ROCK2: variants seen among roughly 807,000 people sequenced by gnomAD.
The protein encoded by ROCK2 is rho-associated protein kinase 2.
ROCK2 carries 61 observed loss-of-function variants against 195.1 expected under a neutral mutation model. The observed-to-expected ratio is 0.31, with a 90% CI of 0.25 to 0.39. The LOEUF (loss-of-function observed/expected upper bound fraction) is 0.39. ROCK2 is among the 10% of genes least tolerant of loss of function. The pLI is 1.00. For missense variants in ROCK2, 1,109 were observed against 1,637.4 expected (o/e 0.68, Z 5.57); for synonymous variants, 504 against 545.5 (o/e 0.92, Z 1.06).
At chr2:11,238,079 C>G (rs140494806) in intron 4 of ROCK2, among the ~76,000 whole-genome samples, 26 of 151,982 alleles carry the variant, frequency 1.7e-4, no homozygotes, top group African/African-American at 5.1e-4. Context: ...CTTTGACTAG[C>G]GGGGAGAAAA....
intron 3 of ROCK2, among the ~76,000 whole-genome samples, chr2:11,253,616 T>C (rs899619251): frequency 4.6e-5 from 7 of 152,244 alleles, no homozygotes; most frequent in African/African-American, 1.7e-4. Flanking sequence ...TCAACAAGGA[T>C]GGGGATTATG....
rs568582994 is a variant in ROCK2 at position 11,231,498 on chromosome 2, G to A, written c.724-4100C>T. Among the ~76,000 whole-genome samples the A allele has an allele frequency of 2.1e-3, 318 of 152,172 alleles. 1 individual carries two copies. Among genetic ancestry groups the A allele is most frequent in the Non-Finnish European group, 3.5e-3 (237 of 68,016 alleles). ...GCTGGGGTTACAGGCATGAGCCATCGTGCCTGGCCTCTTCAGGTAATTTAA... is the reference window on the plus strand; with the variant it reads ...GCTGGGGTTACAGGCATGAGCCATCATGCCTGGCCTCTTCAGGTAATTTAA... On this transcript the variant is annotated intron_variant, in intron 5 of 32. Coordinates refer to ENST00000315872, the MANE Select transcript of ROCK2 (RefSeq NM_004850.5).
intron 18 of ROCK2, among the ~76,000 whole-genome samples, chr2:11,210,790 C>G (rs1664223062): frequency 6.6e-6 from 1 of 152,066 alleles, no homozygotes; most frequent in African/African-American, 2.4e-5. Flanking sequence ...GAAATATGGC[C>G]CAGTAACTTT....
chr2:11,215,465 CTTAA>C, intron 14 of ROCK2, 41 bp downstream of exon 14: 2 of 1,607,068 alleles, frequency 1.2e-6, no homozygotes, highest in East Asian at 2.2e-5. Flanking sequence ...CATACACACA[CTTAA>C]TTTTTTTCTT....
At chr2:11,330,205 T>G (rs1668674626) in intron 1 of ROCK2, among the ~76,000 whole-genome samples, 1 of 152,222 alleles carries the variant, frequency 6.6e-6, no homozygotes, top group African/African-American at 2.4e-5. Context: ...ATTTCACATT[T>G]CTAATTATCT....
chr2:11,244,320 GT>G (rs1665537509), intron 4 of ROCK2, among the ~76,000 whole-genome samples: 1 of 152,102 alleles, frequency 6.6e-6, no homozygotes, highest in African/African-American at 2.4e-5. Context: ...ACCAAAAAAT[GT>G]TTGCAATTCC....
intron 1 of ROCK2, among the ~76,000 whole-genome samples, chr2:11,327,404 G>A (rs986765774): frequency 1.3e-5 from 2 of 152,234 alleles, no homozygotes; most frequent in Admixed American, 6.5e-5. Flanking sequence ...TGAATTAAGC[G>A]AAAAGAAAGA....
At chr2:11,218,554 T>C in intron 10 of ROCK2, 88 bp from the exon 11 acceptor site, 1 of 905,400 alleles carries the variant, frequency 1.1e-6, no homozygotes, top group South Asian at 1.8e-5. Context: ...CATAACAAAA[T>C]TATCCAACCT....
Position 11,198,480 on chromosome 2 carries a change from A to C in ROCK2, c.3099+11T>G, listed in dbSNP as rs1377678712. 3 of 1,543,116 alleles carry C rather than the reference A, an allele frequency of 1.9e-6. No individual in the cohort carries two copies. The highest frequency in any genetic ancestry group is 1.1e-5 in the South Asian group (1 of 89,180). On this transcript the variant is annotated intron_variant, in intron 25 of 32. Coordinates refer to ENST00000315872, the MANE Select transcript of ROCK2 (RefSeq NM_004850.5). ...AAATTCAAAATCATATTTAGATTCT[A>C]TTATACATACTTGAGTTTTGAGTGT...
chr2:11,244,367 ATTG>A (rs1183820193), intron 4 of ROCK2, among the ~76,000 whole-genome samples: 3 of 152,174 alleles, frequency 2.0e-5, no homozygotes, highest in Middle Eastern at 3.2e-3. Context: ...ATGGTTGGTA[ATTG>A]TTGAAGCTGG....
chr2:11,289,095 T>A (rs1034243948), intron 1 of ROCK2, among the ~76,000 whole-genome samples: 1 of 152,168 alleles, frequency 6.6e-6, no homozygotes, highest in East Asian at 1.9e-4. Flanking sequence ...TTAACATTTT[T>A]AATAACAAAA....
chr2:11,188,716 C>T (rs1277914144), intron 32 of ROCK2, among the ~76,000 whole-genome samples: 4 of 151,296 alleles, frequency 2.6e-5, no homozygotes, highest in South Asian at 2.1e-4. Context: ...CTCCGCCTCC[C>T]GGGTTCACGC....
intron 1 of ROCK2, among the ~76,000 whole-genome samples, chr2:11,307,493 T>C (rs1667893547): frequency 6.6e-6 from 1 of 152,112 alleles, no homozygotes; most frequent in Admixed American, 6.5e-5. Context: ...TTTGTATTTT[T>C]GGTAGAGATG....
Position 11,197,378 on chromosome 2 carries a change from T to C in ROCK2, c.3280-30A>G, listed in dbSNP as rs781600947. On this transcript the variant is annotated intron_variant, in intron 26 of 32. Transcript: ENST00000315872. This position sits in a 1 kb window ranked among gnomAD's most constrained non-coding sequence, Gnocchi z 4.9. The stretch of plus-strand genomic sequence containing the variant: ...AAGAAATTTAATTACAATAAGTTAA[T>C]TGGATGCAACATAACTCAACATTTT... 59 of 1,599,740 alleles carry C rather than the reference T, an allele frequency of 3.7e-5. No individual in the cohort carries two copies. Among genetic ancestry groups the C allele is most frequent in the Non-Finnish European group, 4.6e-5 (54 of 1,169,480 alleles).
chr2:11,242,599 TGAA>T (rs1409724520), intron 4 of ROCK2, among the ~76,000 whole-genome samples: 1 of 152,122 alleles, frequency 6.6e-6, no homozygotes, highest in East Asian at 1.9e-4. Flanking sequence ...AGTATGATCT[TGAA>T]GAAACTAAAA....
chr2:11,338,489 T>C (rs1279389784), intron 1 of ROCK2, among the ~76,000 whole-genome samples: 8 of 152,348 alleles, frequency 5.3e-5, no homozygotes, highest in South Asian at 2.1e-4. Context: ...GTATTAGGCA[T>C]TGTAAGTAAT....
chr2:11,344,801 C>A (rs900641136), upstream of ROCK2, among the ~76,000 whole-genome samples: 5 of 150,676 alleles, frequency 3.3e-5, no homozygotes, highest in Admixed American at 6.6e-5. The surrounding 1 kb of genome is among the most constrained non-coding windows in gnomAD (Gnocchi z 5.4). Context: ...CTCTGCGCCC[C>A]TTCCTCGCCC....
intron 1 of ROCK2, among the ~76,000 whole-genome samples, chr2:11,304,738 G>A (rs1667802090): frequency 6.6e-6 from 1 of 152,056 alleles, no homozygotes; most frequent in Non-Finnish European, 1.5e-5. Context: ...ATTACTTTCT[G>A]TCTCACTCAC....
intron 1 of ROCK2, among the ~76,000 whole-genome samples, chr2:11,319,160 T>C (rs1558389956): frequency 6.6e-6 from 1 of 152,202 alleles, no homozygotes; most frequent in Non-Finnish European, 1.5e-5. Flanking sequence ...GGTAGCTTGA[T>C]GGGGATGGCA....
Sources: allele counts gnomAD v4.1 joint callset (sites outside exome capture counted in the v4.1 genomes callset), GRCh38; gene constraint gnomAD v4.1.1; non-coding constraint Gnocchi (gnomAD v3.1); transcripts MANE v1.5; gene names NCBI Gene and HGNC (gene_info 2026-07-23, HGNC 2026-07-21).